The following CHMP1A variants were observed in gnomAD, a reference collection of about 807,000 sequenced individuals.
CHMP1A encodes the protein charged multivesicular body protein 1A, also known as VPS46 homolog A.
A neutral mutation model predicts 27.0 loss-of-function variants in CHMP1A; 17 were observed. The observed-to-expected ratio is 0.63, with a 90% confidence interval of 0.43 to 0.95. The LOEUF is 0.95. CHMP1A is among the 40% of genes least tolerant of loss of function. The pLI is 0.00. For synonymous variants in CHMP1A, 131 were observed against 107.5 expected (o/e 1.22, Z -1.35); for missense variants, 275 against 264.0 (o/e 1.04, Z -0.29).
intron 3 of CHMP1A, among the ~76,000 whole-genome samples, chr16:89,650,765 C>T (rs1459882990): frequency 1.3e-5 from 2 of 151,962 alleles, no homozygotes; most frequent in African/African-American, 4.8e-5. Flanking sequence ...GAGACCGCAC[C>T]TCTGCACTCC....
intron 2 of CHMP1A, among the ~76,000 whole-genome samples, chr16:89,652,969 C>G (rs545300076): frequency 7.9e-5 from 12 of 151,674 alleles, no homozygotes; most frequent in African/African-American, 2.7e-4. Context: ...TGAGTCCACA[C>G]AGCGGAACAC....
At chr16:89,648,320 A>G (rs413170) in intron 4 of CHMP1A, among the ~76,000 whole-genome samples, 52 of 1,520 alleles carry the variant, frequency 0.034, 8 homozygotes, top group Admixed American at 0.054. Flanking sequence ...GCCGACGTGG[A>G]GACCCAGCGC....
At chr16:89,647,143 G>A (rs765836841) in intron 5 of CHMP1A, 60 bp downstream of exon 5, 2 of 1,586,032 alleles carry the variant, frequency 1.3e-6, no homozygotes, top group Non-Finnish European at 1.7e-6. Context: ...CCCTCCCGAT[G>A]AGCTGCCCAC....
At chr16:89,653,435 G>A (rs563570874) in intron 2 of CHMP1A, among the ~76,000 whole-genome samples, 4 of 150,318 alleles carry the variant, frequency 2.7e-5, no homozygotes, top group East Asian at 2.0e-4. Flanking sequence ...CCTGGCCAAC[G>A]TGGTGAAACC....
intron 2 of CHMP1A, among the ~76,000 whole-genome samples, chr16:89,652,716 C>T (rs1237628630): frequency 6.6e-6 from 1 of 152,224 alleles, no homozygotes; most frequent in Non-Finnish European, 1.5e-5. Flanking sequence ...TGCCCAACAG[C>T]AACTGACAGG....
intron 2 of CHMP1A, among the ~76,000 whole-genome samples, chr16:89,652,841 G>C (rs2059835614): frequency 6.6e-6 from 1 of 152,174 alleles, no homozygotes; most frequent in South Asian, 2.1e-4. Context: ...CAGATGAGCA[G>C]CCAGGAGCAC....
chr16:89,654,526 C>A (rs895925938), intron 1 of CHMP1A, among the ~76,000 whole-genome samples: 1 of 152,240 alleles, frequency 6.6e-6, no homozygotes, highest in Middle Eastern at 3.4e-3. Context: ...TGATTTCCAG[C>A]GGTACAGTCG....
intron 2 of CHMP1A, among the ~76,000 whole-genome samples, chr16:89,653,416 C>T (rs1158205464): frequency 7.3e-5 from 11 of 150,218 alleles, no homozygotes; most frequent in East Asian, 2.0e-4. Context: ...GTGAAGAGAT[C>T]GAGACCATCC....
chr16:89,657,022 T>C (rs751707624), intron 1 of CHMP1A, among the ~76,000 whole-genome samples: 73 of 76,740 alleles, frequency 9.5e-4, no homozygotes, highest in Non-Finnish European at 1.2e-3. Context: ...GATTTGGGGA[T>C]GGAGGCCCCG....
intron 1 of CHMP1A, among the ~76,000 whole-genome samples, 199 bp downstream of exon 1, chr16:89,657,383 G>T (rs1436857057): frequency 6.7e-6 from 1 of 149,390 alleles, no homozygotes; most frequent in African/African-American, 2.5e-5. Context: ...TCCGGGTCGG[G>T]GATCGGGGGA....
At chr16:89,655,018 C>T (rs2059853605) in intron 1 of CHMP1A, among the ~76,000 whole-genome samples, 1 of 152,010 alleles carries the variant, frequency 6.6e-6, no homozygotes, top group African/African-American at 2.4e-5. Context: ...ATTTGGAGAG[C>T]GACCCTGACC....
intron 1 of CHMP1A, among the ~76,000 whole-genome samples, chr16:89,654,722 CAT>C (rs1382403955): frequency 5.3e-5 from 8 of 152,252 alleles, no homozygotes; most frequent in South Asian, 2.1e-4. Context: ...GCCGGCGGAA[CAT>C]GAGGTCAGGA....
intron 1 of CHMP1A, among the ~76,000 whole-genome samples, chr16:89,654,539 C>T (rs2059849397): frequency 6.6e-6 from 1 of 152,196 alleles, no homozygotes; most frequent in South Asian, 2.1e-4. Flanking sequence ...TACAGTCGCT[C>T]ACGCCTGTAA....
Position 89,644,729 on chromosome 16 carries a change from A to C in CHMP1A, c.*1337T>G, listed in dbSNP as rs1162493101. 1 of 152,340 alleles carries C rather than the reference A, an allele frequency of 6.6e-6. No individual in the cohort carries two copies. The highest frequency in any genetic ancestry group is 1.9e-4 in the East Asian group (1 of 5,188). 9.4% of individuals were successfully genotyped at this position (152,340 alleles called of 1,614,324 possible). A position where few individuals can be genotyped will look rare whatever the true frequency, so the allele number is the denominator to read the frequency against. The stretch of plus-strand genomic sequence containing the variant: ...AAACCAAACGCAGTGAGCCCACGTC[A>C]GGGTCTCCACGTTCCTGCACGTAAC... On this transcript the variant is annotated 3_prime_UTR_variant, in exon 7 of 7. Coordinates refer to ENST00000397901, the MANE Select transcript of CHMP1A (RefSeq NM_002768.5).
chr16:89,653,448 G>A (rs1351612782), intron 2 of CHMP1A, among the ~76,000 whole-genome samples: 1 of 149,924 alleles, frequency 6.7e-6, no homozygotes, highest in Non-Finnish European at 1.5e-5. Flanking sequence ...GTGAAACCCC[G>A]TCTCTATTAA....
rs577109054 is a variant in CHMP1A, at chr16:89,646,518, C to T, written c.569+9G>A. On this transcript the variant is annotated intron_variant, in intron 6 of 6. Transcript: ENST00000397901. Reference sequence around the variant, plus strand: ...GTTGGTGACACAGCGTTTCGGGGACCGACCCTACCTCCGTGACAGCTGGTC... The same window carrying T: ...GTTGGTGACACAGCGTTTCGGGGACTGACCCTACCTCCGTGACAGCTGGTC... 56 of 1,565,772 alleles carry T rather than the reference C, an allele frequency of 3.6e-5. No individual in the cohort carries two copies. The highest frequency in any genetic ancestry group is 9.4e-5 in the South Asian group (8 of 85,154).
chr16:89,646,685 G>T lies in CHMP1A; in HGVS notation c.411C>A (p.Thr137=). 6.2e-7 allele frequency: 1 copy of T among 1,610,506 alleles called. No individual in the cohort carries two copies. Among genetic ancestry groups the T allele is most frequent in the Non-Finnish European group, 8.5e-7 (1 of 1,178,946 alleles). ...SVMEDSMSSA[T]TLTTPQEQVD... is the part of the protein sequence containing the mutation. ...CCTGCTCCTGCGGCGTGGTCAGGGT[G>T]GTGGCCGAGCTCATGGAGTCCTCCA... Residue 137 remains threonine, a synonymous_variant, in exon 6 of 7, where the codon ACC becomes ACA. Coordinates refer to ENST00000397901, the MANE Select transcript of CHMP1A (RefSeq NM_002768.5).
intron 2 of CHMP1A, 46 bp from the exon 3 acceptor site, chr16:89,651,692 C>T: frequency 6.3e-7 from 1 of 1,590,636 alleles, no homozygotes; most frequent in Non-Finnish European, 8.6e-7. Flanking sequence ...CGGAGCCCAT[C>T]CCCCAGGCCC....
At chr16:89,655,508 C>T (rs925881645) in intron 1 of CHMP1A, among the ~76,000 whole-genome samples, 9 of 152,170 alleles carry the variant, frequency 5.9e-5, no homozygotes, top group African/African-American at 1.9e-4. Context: ...CTCTTCCAGC[C>T]GTGTGTGGCA....
Sources: gnomAD v4.1 joint callset for allele counts (sites outside exome capture counted in the v4.1 genomes callset) on GRCh38, gnomAD v4.1.1 for gene constraint, MANE v1.5 for transcripts, NCBI Gene and HGNC (gene_info 2026-07-23, HGNC 2026-07-21) for gene names.